PLPPR1: variants seen among roughly 807,000 people sequenced by gnomAD.
PLPPR1 encodes phospholipid phosphatase-related protein type 1.
In PLPPR1, 10 loss-of-function variants were observed where a neutral mutation model predicts 33.1. The ratio of observed to expected loss-of-function variants is 0.30; its 90% CI spans 0.19 to 0.51. PLPPR1 has a LOEUF of 0.51. Ranked by LOEUF, PLPPR1 falls within the 20% of genes least tolerant of loss-of-function variation. The pLI is 0.97. For synonymous variants in PLPPR1, 151 were observed against 151.0 expected (o/e 1.00, Z 0.00); for missense variants, 304 against 408.1 (o/e 0.74, Z 2.20).
intron 1 of PLPPR1, among the ~76,000 whole-genome samples, chr9:101,176,838 A>G (rs189994683): frequency 7.9e-5 from 12 of 152,334 alleles, no homozygotes; most frequent in Non-Finnish European, 1.8e-4. Flanking sequence ...AAGAATCAAA[A>G]AGATCTCAAA....
chr9:101,195,306 G>A (rs940999601), intron 2 of PLPPR1, among the ~76,000 whole-genome samples: 1 of 151,968 alleles, frequency 6.6e-6, no homozygotes, highest in East Asian at 1.9e-4. Flanking sequence ...TGAAGGGAAC[G>A]AGATTCTTTA....
chr9:101,099,899 TGAAA>T (rs1830874471), intron 1 of PLPPR1, among the ~76,000 whole-genome samples: 1 of 152,130 alleles, frequency 6.6e-6, no homozygotes, highest in African/African-American at 2.4e-5. Context: ...TGTATAGAAC[TGAAA>T]GAGAGTTTTC....
At chr9:101,291,047 A>C (rs940911921) in intron 4 of PLPPR1, among the ~76,000 whole-genome samples, 11 of 152,312 alleles carry the variant, frequency 7.2e-5, no homozygotes, top group African/African-American at 2.6e-4. Context: ...AAAGGGGTGA[A>C]AGACGGCACC....
chr9:101,110,488 G>A (rs9409009), intron 1 of PLPPR1, among the ~76,000 whole-genome samples: 128,864 of 152,144 alleles, frequency 0.85, 55,044 homozygotes, highest in African/African-American at 0.96. Flanking sequence ...CAAAATACAC[G>A]TAGAAGAATG....
chr9:101,045,258 G>T (rs1392456096), intron 1 of PLPPR1, among the ~76,000 whole-genome samples: 1 of 152,228 alleles, frequency 6.6e-6, no homozygotes, highest in Non-Finnish European at 1.5e-5. Flanking sequence ...TCAACTGGAT[G>T]AATAGTCTAG....
chr9:101,258,774 C>T (rs1225782139), intron 2 of PLPPR1, among the ~76,000 whole-genome samples: 4 of 152,114 alleles, frequency 2.6e-5, no homozygotes, highest in African/African-American at 4.8e-5. Flanking sequence ...CTCTCAGGCT[C>T]GAGTTCTATG....
intron 2 of PLPPR1, among the ~76,000 whole-genome samples, chr9:101,215,295 T>C (rs10989437): frequency 0.036 from 5,546 of 152,124 alleles, 153 homozygotes; most frequent in South Asian, 0.11. Context: ...TTATTTTTTT[T>C]TGGAGACAGA....
chr9:101,058,251 G>C (rs1830302075), intron 1 of PLPPR1, among the ~76,000 whole-genome samples: 1 of 151,898 alleles, frequency 6.6e-6, no homozygotes, highest in South Asian at 2.1e-4. Context: ...AGCTGGAATG[G>C]GAGAAGTAGA....
chr9:101,144,555 T>G (rs1831498152), intron 1 of PLPPR1, among the ~76,000 whole-genome samples: 1 of 152,086 alleles, frequency 6.6e-6, no homozygotes, highest in African/African-American at 2.4e-5. Context: ...AGCAGCCATC[T>G]CAACCCAAGG....
At chr9:101,272,169 A>G (rs889891948) in intron 3 of PLPPR1, among the ~76,000 whole-genome samples, 11 of 152,196 alleles carry the variant, frequency 7.2e-5, no homozygotes, top group African/African-American at 2.7e-4. Context: ...CCTTATATCA[A>G]ATTTTTTAAA....
chr9:101,067,954 TG>T (rs1358207439), intron 1 of PLPPR1, among the ~76,000 whole-genome samples: 1 of 152,100 alleles, frequency 6.6e-6, no homozygotes, highest in Non-Finnish European at 1.5e-5. Flanking sequence ...AGGGCTGTTG[TG>T]AGAATTATTT....
intron 1 of PLPPR1, among the ~76,000 whole-genome samples, chr9:101,130,296 C>T (rs1437713681): frequency 6.6e-6 from 1 of 152,180 alleles, no homozygotes; most frequent in Non-Finnish European, 1.5e-5. Flanking sequence ...GACAATCACA[C>T]AGATGACGCT....
chr9:101,310,666 C>T (rs187443807), intron 5 of PLPPR1, among the ~76,000 whole-genome samples: 3 of 152,330 alleles, frequency 2.0e-5, no homozygotes, highest in Admixed American at 1.3e-4. Flanking sequence ...CACATAAAAA[C>T]TGCATGTTCT....
chr9:101,035,042 G>GCAC (rs1829993020), intron 1 of PLPPR1, among the ~76,000 whole-genome samples: 1 of 152,132 alleles, frequency 6.6e-6, no homozygotes, highest in Non-Finnish European at 1.5e-5. Context: ...CCTAGTCTTT[G>GCAC]CACCTTCAGG....
intron 7 of PLPPR1, among the ~76,000 whole-genome samples, chr9:101,320,755 C>A (rs1020600552): frequency 2.0e-5 from 3 of 152,186 alleles, no homozygotes; most frequent in African/African-American, 7.2e-5. Flanking sequence ...TTGAGAGTCA[C>A]CTCATTTAAT....
At chr9:101,168,074 A>G (rs1010665205) in intron 1 of PLPPR1, among the ~76,000 whole-genome samples, 1 of 152,114 alleles carries the variant, frequency 6.6e-6, no homozygotes, top group Non-Finnish European at 1.5e-5. Context: ...CTATGATTCA[A>G]TTACGTCCCA....
chr9:101,321,615 TGAG>T (rs1412469922), intron 7 of PLPPR1, among the ~76,000 whole-genome samples: 1 of 152,070 alleles, frequency 6.6e-6, no homozygotes, highest in Non-Finnish European at 1.5e-5. Flanking sequence ...GTTGTTCAGT[TGAG>T]TTCTTGTCCA....
At chr9:101,294,323 CAA>C (rs1211969479) in intron 4 of PLPPR1, among the ~76,000 whole-genome samples, 1 of 151,542 alleles carries the variant, frequency 6.6e-6, no homozygotes, top group Non-Finnish European at 1.5e-5. Context: ...GCTTACCAAC[CAA>C]AAAGAGTCCA....
intron 2 of PLPPR1, among the ~76,000 whole-genome samples, chr9:101,246,952 G>T (rs1340879065): frequency 1.3e-5 from 2 of 151,938 alleles, no homozygotes; most frequent in Non-Finnish European, 2.9e-5. Flanking sequence ...TGGCAGAGGT[G>T]CAAGAGCAGT....
Sources: gnomAD v4.1 joint callset for allele counts (sites outside exome capture counted in the v4.1 genomes callset) on GRCh38, gnomAD v4.1.1 for gene constraint, MANE v1.5 for transcripts, NCBI Gene and HGNC (gene_info 2026-07-23, HGNC 2026-07-21) for gene names.